Variants in PDE9A observed in about 807,000 individuals in gnomAD.
PDE9A encodes the protein high affinity cGMP-specific 3',5'-cyclic phosphodiesterase 9A.
In PDE9A, 60 loss-of-function variants were observed where a neutral mutation model predicts 87.4. The observed-to-expected ratio is 0.69, with a 90% CI of 0.56 to 0.85. The LOEUF (loss-of-function observed/expected upper bound fraction) is 0.85. Ranked by LOEUF, PDE9A falls within the 40% of genes least tolerant of loss-of-function variation. The pLI, the probability that PDE9A is intolerant of heterozygous loss-of-function variation, is 0.00. For synonymous variants in PDE9A, 272 were observed against 279.4 expected, an observed-to-expected ratio of 0.97 and a Z score of 0.27; for missense variants, 665 against 779.0, an observed-to-expected ratio of 0.85 and a Z score of 1.74.
chr21:42,682,633 TCTC>T (rs1279622697), intron 1 of PDE9A, among the ~76,000 whole-genome samples: 7 of 152,198 alleles, frequency 4.6e-5, no homozygotes, highest in African/African-American at 1.7e-4. Flanking sequence ...ACCCCTCTCT[TCTC>T]AAGGCCCCCA....
chr21:42,774,173 C>T (rs181927208), intron 19 of PDE9A, among the ~76,000 whole-genome samples: 3 of 152,296 alleles, frequency 2.0e-5, no homozygotes, highest in Admixed American at 2.0e-4. Flanking sequence ...TAAGGTCACA[C>T]TCTCCATGTC....
intron 7 of PDE9A, among the ~76,000 whole-genome samples, chr21:42,742,045 G>C (rs147784121): frequency 1.1e-4 from 17 of 152,288 alleles, no homozygotes; most frequent in Non-Finnish European, 1.8e-4. Context: ...AAAGCTGCTT[G>C]CTTCATGGCA....
intron 9 of PDE9A, among the ~76,000 whole-genome samples, 188 bp downstream of exon 9, chr21:42,751,385 A>C (rs939372918): frequency 6.6e-6 from 1 of 152,206 alleles, no homozygotes; most frequent in Non-Finnish European, 1.5e-5. Context: ...TGTTTAGCAA[A>C]AGTGATCCCA....
chr21:42,758,983 T>C lies in PDE9A; in HGVS notation c.811-16T>C. 1 of 1,607,198 alleles carries C rather than the reference T, an allele frequency of 6.2e-7. No homozygotes were observed. Among genetic ancestry groups the C allele is most frequent in the Non-Finnish European group, 8.5e-7 (1 of 1,173,842 alleles). ...CACACAACTGCCCAGTGCCTATCCT[T>C]CTCCTGTGCCCACAGATGCTGAGCT... On this transcript the variant is annotated splice_polypyrimidine_tract_variant and intron_variant, in intron 10 of 19. Transcript: ENST00000291539.
intron 8 of PDE9A, among the ~76,000 whole-genome samples, chr21:42,746,147 C>G (rs2053824572): frequency 6.6e-6 from 1 of 152,224 alleles, no homozygotes; most frequent in Non-Finnish European, 1.5e-5. Context: ...TGATGGGCAC[C>G]CGCTCTGTAG....
At chr21:42,669,937 G>A (rs936968475) in intron 1 of PDE9A, among the ~76,000 whole-genome samples, 1 of 152,172 alleles carries the variant, frequency 6.6e-6, no homozygotes, top group Non-Finnish European at 1.5e-5. Context: ...CTGGCACCAG[G>A]TGGGCATGCC....
chr21:42,658,925 A>G lies in PDE9A; in HGVS notation c.69+5042A>G, dbSNP rs552066687. Among the ~76,000 whole-genome samples the G allele has an allele frequency of 2.6e-5, 4 of 152,246 alleles. No individual in the cohort carries two copies. The East Asian group carries it at 7.7e-4, about 29-fold the overall frequency. On this transcript the variant is annotated intron_variant, in intron 1 of 19. Coordinates refer to ENST00000291539, the MANE Select transcript of PDE9A (RefSeq NM_002606.3). ...GGTGGTGGAGGGACAGGGAGCAATG[A>G]GAGTTGCCAGCCTTATTGCTGTCCT...
intron 7 of PDE9A, among the ~76,000 whole-genome samples, chr21:42,740,763 A>AAACAG (rs1569229288): frequency 3.9e-4 from 57 of 145,334 alleles, no homozygotes; most frequent in African/African-American, 1.1e-3. Flanking sequence ...CAGGATAGAT[A>AAACAG]GATAGATAGA....
intron 1 of PDE9A, among the ~76,000 whole-genome samples, chr21:42,670,228 C>CACGT (rs76270638): frequency 2.0e-5 from 3 of 150,634 alleles, no homozygotes; most frequent in Middle Eastern, 3.4e-3. Flanking sequence ...CACACATACA[C>CACGT]TTACATTCAC....
At chr21:42,706,560 G>A (rs560142889) in intron 4 of PDE9A, among the ~76,000 whole-genome samples, 3 of 151,836 alleles carry the variant, frequency 2.0e-5, no homozygotes, top group East Asian at 3.9e-4. Context: ...CAGGAGAATC[G>A]CTTGAACCTG....
chr21:42,768,957 C>T, intron 16 of PDE9A, 70 bp from the exon 17 acceptor site: 1 of 1,529,510 alleles, frequency 6.5e-7, no homozygotes, highest in South Asian at 1.3e-5. Context: ...TCTTGTCTTT[C>T]TCTGAGAACA....
At chr21:42,773,879 C>T (rs961398179) in intron 19 of PDE9A, among the ~76,000 whole-genome samples, 3 of 148,426 alleles carry the variant, frequency 2.0e-5, no homozygotes, top group South Asian at 2.1e-4. Context: ...CCAAGGTGGA[C>T]GGATCACAAG....
chr21:42,775,253 A>T (rs892429669), intron 19 of PDE9A, 27 bp from the exon 20 acceptor site: 6 of 1,611,758 alleles, frequency 3.7e-6, no homozygotes, highest in Non-Finnish European at 5.1e-6. Flanking sequence ...AACAAAAACA[A>T]ATCAGTCATC....
At chr21:42,755,365 C>T (rs1448674337) in intron 10 of PDE9A, among the ~76,000 whole-genome samples, 1 of 152,324 alleles carries the variant, frequency 6.6e-6, no homozygotes, top group East Asian at 1.9e-4. Context: ...AACTGCAGCA[C>T]CAGCCAGAAA....
At chr21:42,718,304 C>G (rs953486066) in intron 4 of PDE9A, among the ~76,000 whole-genome samples, 3 of 151,782 alleles carry the variant, frequency 2.0e-5, no homozygotes, top group Admixed American at 6.6e-5. Flanking sequence ...TATCCTTCTT[C>G]ATGTTCATTG....
chr21:42,658,313 T>TG (rs1274490917), intron 1 of PDE9A, among the ~76,000 whole-genome samples: 1 of 152,230 alleles, frequency 6.6e-6, no homozygotes, highest in East Asian at 1.9e-4. Flanking sequence ...CCCAAGGGAA[T>TG]GTCGCTCCCT....
chr21:42,717,774 C>T (rs10154056), intron 4 of PDE9A, among the ~76,000 whole-genome samples: 103,671 of 151,276 alleles, frequency 0.69, 37,425 homozygotes, highest in East Asian at 0.94. Flanking sequence ...TTGTTTTCTT[C>T]AAGAAGCTTA....
chr21:42,722,889 G>A lies in PDE9A; in HGVS notation c.263-8881G>A, dbSNP rs901597817. On this transcript the variant is annotated intron_variant, in intron 4 of 19. Coordinates refer to ENST00000291539, the MANE Select transcript of PDE9A (RefSeq NM_002606.3). This position sits in a 1 kb window ranked among gnomAD's most constrained non-coding sequence, Gnocchi z 4.1. ...TCTGCACTGGGTAGACTCAGGATTT[G>A]CCTGAAACAAGTAAACAATTCCTGG... Among the ~76,000 whole-genome samples, 3 of 152,248 alleles carry A rather than the reference G, an allele frequency of 2.0e-5. No homozygotes were observed.
rs1000857602 is a variant in PDE9A, at chr21:42,764,154, G to A, written c.1243-1227G>A. Among the ~76,000 whole-genome samples, 4 of 152,306 alleles carry A rather than the reference G, an allele frequency of 2.6e-5. 1 individual carries two copies. Among genetic ancestry groups the A allele is most frequent in the South Asian group, 4.1e-4 (2 of 4,832 alleles). ...GGCCCCGGGAGGAGCGCCGACAGCC[G>A]CACCTCAGAACCCACTCGGCGCTGA... On this transcript the variant is annotated intron_variant, in intron 14 of 19. Coordinates refer to ENST00000291539, the MANE Select transcript of PDE9A (RefSeq NM_002606.3).
Sources: gnomAD v4.1 joint callset for allele counts (sites outside exome capture counted in the v4.1 genomes callset) on GRCh38, gnomAD v4.1.1 for gene constraint, Gnocchi (gnomAD v3.1) non-coding constraint, MANE v1.5 for transcripts, NCBI Gene and HGNC (gene_info 2026-07-23, HGNC 2026-07-21) for gene names.